Variants in ITGA6 observed in about 807,000 individuals in gnomAD.
ITGA6 encodes the protein integrin alpha-6.
Under a neutral mutation model 133.6 loss-of-function variants are expected in ITGA6, and 63 were observed. The observed-to-expected ratio is 0.47, with a 90% CI of 0.38 to 0.58. The LOEUF (loss-of-function observed/expected upper bound fraction) is 0.58. Among genes scored for constraint, ITGA6 ranks in the 20% least tolerant of loss-of-function variants. The pLI is 0.00. For synonymous variants in ITGA6, 434 were observed against 482.0 expected (o/e 0.90, Z 1.30); for missense variants, 1,068 against 1,309.4 (o/e 0.82, Z 2.85).
At chr2:172,486,445 A>G (rs940288932) in intron 13 of ITGA6, among the ~76,000 whole-genome samples, 1 of 152,074 alleles carries the variant, frequency 6.6e-6, no homozygotes. Context: ...TTTTCTATTT[A>G]TCGGTGTGAT....
At chr2:172,475,264 T>A (rs1028497721) in intron 7 of ITGA6, 142 bp downstream of exon 7, 89 of 687,356 alleles carry the variant, frequency 1.3e-4, no homozygotes, top group Non-Finnish European at 1.3e-4. Context: ...GGTCGGGAGT[T>A]CGAGACCAGC....
intron 1 of ITGA6, among the ~76,000 whole-genome samples, chr2:172,450,116 C>T (rs1325255520): frequency 1.3e-5 from 2 of 152,016 alleles, no homozygotes. Flanking sequence ...GGAGTGCACA[C>T]CTTAGAGGGT....
intron 1 of ITGA6, among the ~76,000 whole-genome samples, chr2:172,430,006 C>T (rs914388494): frequency 2.6e-5 from 4 of 152,210 alleles, no homozygotes; most frequent in Non-Finnish European, 5.9e-5. Flanking sequence ...GAGAAAACTT[C>T]TGGACCAGCT....
At chr2:172,435,060 A>AG (rs1684261124) in intron 1 of ITGA6, among the ~76,000 whole-genome samples, 3 of 132,370 alleles carry the variant, frequency 2.3e-5, no homozygotes, top group East Asian at 2.0e-4. Context: ...GTGTGTGTGT[A>AG]TGATGCAAAT....
intron 1 of ITGA6, among the ~76,000 whole-genome samples, chr2:172,439,078 T>C (rs964875498): frequency 2.6e-5 from 4 of 151,878 alleles, no homozygotes; most frequent in African/African-American, 7.2e-5. Flanking sequence ...AGCTCTAGAA[T>C]TGGGTAGTGC....
chr2:172,462,154 C>T (rs1234082141), intron 1 of ITGA6, among the ~76,000 whole-genome samples: 2 of 152,180 alleles, frequency 1.3e-5, no homozygotes, highest in African/African-American at 2.4e-5. Context: ...CCTTACCTTT[C>T]GGTGATGGGT....
At chr2:172,501,226 A>T (rs1355857870) in intron 24 of ITGA6, among the ~76,000 whole-genome samples, 3 of 152,156 alleles carry the variant, frequency 2.0e-5, no homozygotes, top group African/African-American at 7.2e-5. Flanking sequence ...ATGATGGTGT[A>T]TTCGAATTTG....
intron 1 of ITGA6, among the ~76,000 whole-genome samples, chr2:172,438,387 G>C (rs576859051): frequency 2.3e-4 from 35 of 151,810 alleles, no homozygotes; most frequent in African/African-American, 7.9e-4. Context: ...TGGTGGAAGG[G>C]CATGGGGTTT....
At chr2:172,463,631 G>T (rs1027190247) in intron 1 of ITGA6, among the ~76,000 whole-genome samples, 2 of 152,076 alleles carry the variant, frequency 1.3e-5, no homozygotes, top group African/African-American at 4.8e-5. Flanking sequence ...TGAGATCTTG[G>T]GGGATGAGTA....
chr2:172,449,827 G>A (rs1387428430), intron 1 of ITGA6, among the ~76,000 whole-genome samples: 10 of 151,590 alleles, frequency 6.6e-5, no homozygotes, highest in South Asian at 2.1e-4. Context: ...AGGCTGAGGC[G>A]GGAGAATTGC....
At position 172,504,086 on chromosome 2, in the gene ITGA6, T is replaced by G. The variant is rs1014425580; in HGVS notation, c.*23-5T>G. On this transcript the variant is annotated splice_polypyrimidine_tract_variant and splice_region_variant and intron_variant, in intron 25 of 25. Coordinates refer to ENST00000684293, the MANE Select transcript of ITGA6 (RefSeq NM_000210.4). ...TGTTTCTCTTTCTCTTTCCCTCTTC[T>G]CTAGTGTGGATTCTTTAAACGCTCT... 16 of 1,571,186 alleles carry G rather than the reference T, an allele frequency of 1.0e-5. No homozygotes were observed. Among genetic ancestry groups the G allele is most frequent in the Middle Eastern group, 1.7e-4 (1 of 5,920 alleles).
chr2:172,453,147 C>G (rs1456256356), intron 1 of ITGA6, among the ~76,000 whole-genome samples: 2 of 152,136 alleles, frequency 1.3e-5, no homozygotes. Flanking sequence ...ATCACTTTTA[C>G]TCAGAGATTT....
At chr2:172,479,556 G>A in intron 9 of ITGA6, 85 bp from the exon 10 acceptor site, 1 of 1,097,916 alleles carries the variant, frequency 9.1e-7, no homozygotes, top group Non-Finnish European at 1.4e-6. Flanking sequence ...GTGCTGGGCA[G>A]CTAAGGATGC....
At position 172,447,058 on chromosome 2, in the gene ITGA6, C is replaced by T. The variant is rs528981022; in HGVS notation, c.183-18481C>T. On this transcript the variant is annotated intron_variant, in intron 1 of 25. Transcript: ENST00000684293. ...GATTACAGGTGTGCACCACCGTGCC[C>T]GGCTAATTTTTGTATTTTTAGTAGA... Among the ~76,000 whole-genome samples, 8 of 151,964 alleles carry T rather than the reference C, an allele frequency of 5.3e-5. No individual in the cohort carries two copies. The South Asian group carries it at 6.2e-4, about 12-fold the overall frequency.
At chr2:172,473,114 A>G (rs1044623329) in intron 5 of ITGA6, among the ~76,000 whole-genome samples, 1 of 152,190 alleles carries the variant, frequency 6.6e-6, no homozygotes, top group Admixed American at 6.5e-5. Context: ...TCACTTCACA[A>G]TTTGAGAACT....
At chr2:172,468,452 G>A (rs1435540350) in intron 3 of ITGA6, among the ~76,000 whole-genome samples, 2 of 152,194 alleles carry the variant, frequency 1.3e-5, no homozygotes, top group Non-Finnish European at 2.9e-5. Context: ...TGACATTTAT[G>A]GAAAATTGAT....
intron 9 of ITGA6, 50 bp downstream of exon 9, chr2:172,476,563 A>G (rs771101262): frequency 1.4e-5 from 16 of 1,103,936 alleles, no homozygotes; most frequent in Non-Finnish European, 2.0e-5. Context: ...ATCAGGTTAT[A>G]CTAAAATGTT....
At chr2:172,475,995 C>G (rs1404419427) in intron 8 of ITGA6, among the ~76,000 whole-genome samples, 1 of 151,932 alleles carries the variant, frequency 6.6e-6, no homozygotes, top group East Asian at 1.9e-4. Flanking sequence ...TAGTAGCATA[C>G]TAAATAGAGA....
rs1018329411 is a variant in ITGA6 at position 172,506,379 on chromosome 2, C to T, written c.*2311C>T. The T allele has an allele frequency of 5.3e-5, 8 of 152,156 alleles. No individual in the cohort carries two copies. The highest frequency in any genetic ancestry group is 1.2e-4 in the Non-Finnish European group (8 of 68,020). The allele number at this position is 152,156 out of a possible 1,614,324, so 9.4% of individuals were successfully genotyped here. On this transcript the variant is annotated 3_prime_UTR_variant, in exon 26 of 26. Coordinates refer to ENST00000684293, the MANE Select transcript of ITGA6 (RefSeq NM_000210.4). ...GATTCGGGGTTTTTTTCTGTTTTCGCTCTATGTAGGTGATCCTCAAGTCTT... is the reference window on the plus strand; with the variant it reads ...GATTCGGGGTTTTTTTCTGTTTTCGTTCTATGTAGGTGATCCTCAAGTCTT...
Sources: gnomAD v4.1 joint callset for allele counts (sites outside exome capture counted in the v4.1 genomes callset) on GRCh38, gnomAD v4.1.1 for gene constraint, MANE v1.5 for transcripts, NCBI Gene and HGNC (gene_info 2026-07-23, HGNC 2026-07-21) for gene names.